The following KIAA1217 variants were observed in gnomAD, a reference collection of about 807,000 sequenced individuals.
The protein encoded by KIAA1217 is KIAA1217, also known as sickle tail protein homolog.
A neutral mutation model predicts 163.9 loss-of-function variants in KIAA1217; 88 were observed. The observed-to-expected ratio is 0.54, with a 90% CI of 0.45 to 0.64. The LOEUF is 0.64. KIAA1217 is among the 30% of genes least tolerant of loss of function. The pLI, the probability that KIAA1217 is intolerant of heterozygous loss-of-function variation, is 0.00. For synonymous variants in KIAA1217, 903 were observed against 923.1 expected (o/e 0.98, Z 0.39); for missense variants, 2,372 against 2,475.0 (o/e 0.96, Z 0.88).
At chr10:23,887,430 C>T (rs1156595462) in intron 1 of KIAA1217, among the ~76,000 whole-genome samples, 1 of 151,764 alleles carries the variant, frequency 6.6e-6, no homozygotes, top group African/African-American at 2.4e-5. Context: ...CAGCTATAGG[C>T]GACCATTAGG....
At chr10:23,864,136 G>A (rs1165262599) in intron 1 of KIAA1217, among the ~76,000 whole-genome samples, 8 of 151,490 alleles carry the variant, frequency 5.3e-5, no homozygotes, top group African/African-American at 1.9e-4. Context: ...CCAAAACAGA[G>A]GAATTACATA....
At chr10:24,284,028 G>C (rs959478298) in intron 2 of KIAA1217, among the ~76,000 whole-genome samples, 1 of 151,804 alleles carries the variant, frequency 6.6e-6, no homozygotes. Flanking sequence ...TCCTGCCTCA[G>C]CCTCCCGAGT....
At chr10:23,949,395 G>C (rs1216384087) in intron 1 of KIAA1217, among the ~76,000 whole-genome samples, 1 of 151,836 alleles carries the variant, frequency 6.6e-6, no homozygotes, top group Admixed American at 6.6e-5. Context: ...ACTTCTCAAA[G>C]TTATTTATGT....
Position 24,396,611 on chromosome 10 carries a change from T to C in KIAA1217, c.553+15544T>C, listed in dbSNP as rs151075417. Among the ~76,000 whole-genome samples, 928 of 152,170 alleles carry C rather than the reference T, an allele frequency of 6.1e-3. 13 individuals are homozygous for C. The highest frequency in any genetic ancestry group is 0.021 in the African/African-American group (859 of 41,526). On this transcript the variant is annotated intron_variant, in intron 3 of 20. Transcript: ENST00000376454. ...CACTGAGAAGGCAGCCTTCGAGCCA[T>C]GACCTGGAGCATGTGAAGATGTAAG...
chr10:24,167,030 C>G (rs551404645), intron 2 of KIAA1217, among the ~76,000 whole-genome samples: 2 of 152,020 alleles, frequency 1.3e-5, no homozygotes, highest in Non-Finnish European at 2.9e-5. Context: ...AAGCATACCC[C>G]CTTTAGGTTT....
chr10:24,382,395 C>G (rs2053431156), intron 3 of KIAA1217, among the ~76,000 whole-genome samples: 1 of 151,944 alleles, frequency 6.6e-6, no homozygotes, highest in Admixed American at 6.6e-5. Flanking sequence ...ATGACCCAAG[C>G]AGACTGAATT....
In KIAA1217 at chr10:24,442,914, T is replaced by C. The variant is rs569472687; in HGVS notation, c.846+4435T>C. ...ATTTATTAAGCACTTTTGTGGGATT[T>C]TTTTTTTTTTTTTTGAGAGGGAGTC... On this transcript the variant is annotated intron_variant, in intron 5 of 20. Coordinates refer to ENST00000376454, the MANE Select transcript of KIAA1217 (RefSeq NM_019590.5). Among the ~76,000 whole-genome samples, 5 of 150,598 alleles carry C rather than the reference T, an allele frequency of 3.3e-5. No individual in the cohort carries two copies. In the South Asian group the frequency reaches 1.1e-3, roughly 32 times the overall value.
intron 2 of KIAA1217, among the ~76,000 whole-genome samples, chr10:24,071,042 T>C (rs77448409): frequency 0.043 from 6,563 of 152,246 alleles, 187 homozygotes; most frequent in Middle Eastern, 0.078. Flanking sequence ...ACTCTATCTG[T>C]GAGCATACCT....
chr10:23,725,427 C>A (rs1838082065), intron 1 of KIAA1217, among the ~76,000 whole-genome samples: 1 of 152,152 alleles, frequency 6.6e-6, no homozygotes, highest in African/African-American at 2.4e-5. Flanking sequence ...GAAACCATGA[C>A]CTATGTCTTG....
chr10:24,542,904 C>T lies in KIAA1217; in HGVS notation c.3634C>T (p.Pro1212Ser). 6.2e-7 allele frequency: 1 copy of T among 1,611,440 alleles called. No homozygotes were observed. The highest frequency in any genetic ancestry group is 8.5e-7 in the Non-Finnish European group (1 of 1,178,732). ...FQKVTTGAVRPSDPPKWERGM... is the reference protein window; with the variant it reads ...FQKVTTGAVRSSDPPKWERGM... ...TCAGGTTACCACAGGGGCTGTAAGACCTAGTGACCCTCCTAAGTGGGAAAG... is the reference window on the plus strand; with the variant it reads ...TCAGGTTACCACAGGGGCTGTAAGATCTAGTGACCCTCCTAAGTGGGAAAG... The change falls in exon 19 of 21, where the codon CCT (proline) becomes TCT (serine). Residue 1212 changes from proline (P) to serine (S), a missense_variant. Coordinates refer to ENST00000376454, the MANE Select transcript of KIAA1217 (RefSeq NM_019590.5).
chr10:24,061,504 T>C (rs559264964), intron 2 of KIAA1217, among the ~76,000 whole-genome samples: 2 of 152,328 alleles, frequency 1.3e-5, no homozygotes, highest in South Asian at 4.1e-4. Context: ...TTTCTTATGA[T>C]AATGTGTTAC....
rs192706470 is a variant in KIAA1217, at chr10:24,494,915, C to T, written c.1785-232C>T. 2.5e-4 allele frequency: 147 copies of T among 581,400 alleles called. No homozygotes were observed. In the East Asian group the frequency reaches 4.0e-3, roughly 16 times the overall value. 36.0% of individuals were successfully genotyped at this position (581,400 alleles called of 1,614,324 possible). ...AACCACCACCCTTGCGTGTCCACGT[C>T]GCCATCATCTGAAAGTCACAAGTGA... On this transcript the variant is annotated intron_variant, in intron 7 of 20. Transcript: ENST00000376454.
intron 2 of KIAA1217, among the ~76,000 whole-genome samples, chr10:24,108,863 A>C (rs2062731669): frequency 6.6e-6 from 1 of 152,124 alleles, no homozygotes. Context: ...ACTATGTTTC[A>C]CTCTGTTGCC....
intron 1 of KIAA1217, among the ~76,000 whole-genome samples, chr10:23,969,181 C>A (rs374799168): frequency 1.3e-5 from 2 of 152,090 alleles, no homozygotes; most frequent in Non-Finnish European, 2.9e-5. Flanking sequence ...ATTACAGGCA[C>A]GCGCCACTAT....
intron 2 of KIAA1217, among the ~76,000 whole-genome samples, chr10:24,111,853 G>A (rs973174805): frequency 2.6e-5 from 4 of 152,060 alleles, no homozygotes; most frequent in East Asian, 3.9e-4. Flanking sequence ...CTGCAGCCTC[G>A]ACCTCCTGGA....
chr10:24,309,344 GCGCGCGCACACA>G (rs2042396126), intron 2 of KIAA1217, among the ~76,000 whole-genome samples: 3 of 66,696 alleles, frequency 4.5e-5, no homozygotes, highest in African/African-American at 1.9e-4. Flanking sequence ...GCGCGCACGC[GCGCGCGCACACA>G]CACACACACA....
intron 1 of KIAA1217, among the ~76,000 whole-genome samples, chr10:23,770,211 G>A (rs1186228631): frequency 6.6e-6 from 1 of 152,138 alleles, no homozygotes; most frequent in Non-Finnish European, 1.5e-5. Context: ...GGGAACACAT[G>A]GCCATCTTTT....
chr10:23,910,182 A>G (rs1297834280), intron 1 of KIAA1217, among the ~76,000 whole-genome samples: 1 of 152,086 alleles, frequency 6.6e-6, no homozygotes, highest in East Asian at 1.9e-4. Flanking sequence ...TAGCATTAGG[A>G]GAAATACCTG....
At chr10:23,967,026 G>T (rs1430915124) in intron 1 of KIAA1217, among the ~76,000 whole-genome samples, 4 of 118,094 alleles carry the variant, frequency 3.4e-5, no homozygotes, top group African/African-American at 2.1e-4. Context: ...TATACAATCA[G>T]TATTAATAAA....
Sources: allele counts gnomAD v4.1 joint callset (sites outside exome capture counted in the v4.1 genomes callset), GRCh38; gene constraint gnomAD v4.1.1; transcripts MANE v1.5; gene names NCBI Gene and HGNC (gene_info 2026-07-23, HGNC 2026-07-21).